The following RNF24 variants were observed in gnomAD, a reference collection of about 807,000 sequenced individuals.
RNF24 encodes ring finger protein 24.
Under a neutral mutation model 20.0 loss-of-function variants are expected in RNF24, and 14 were observed. That is an observed-to-expected ratio of 0.70 (90% confidence interval 0.46 to 1.10). RNF24 has a LOEUF of 1.10. RNF24 is among the 50% of genes least tolerant of loss of function. The pLI is 0.00. For synonymous variants in RNF24, 45 were observed against 61.1 expected, an observed-to-expected ratio of 0.74 and a Z score of 1.23; for missense variants, 124 against 177.6, an observed-to-expected ratio of 0.70 and a Z score of 1.71.
chr20:4,013,521 C>T (rs756141419), intron 1 of RNF24, among the ~76,000 whole-genome samples: 3 of 152,126 alleles, frequency 2.0e-5, no homozygotes, highest in Non-Finnish European at 4.4e-5. Flanking sequence ...GCTCTTGTTG[C>T]CCAGGCTGGA....
rs187461190 is a variant in RNF24, at chr20:3,982,033, A to T, written c.-7-18009T>A. Among the ~76,000 whole-genome samples the T allele has an allele frequency of 1.6e-3, 240 of 150,778 alleles. 1 individual carries two copies. The highest frequency in any genetic ancestry group is 4.8e-3 in the South Asian group (23 of 4,754). ...CTTAGTAGGGTGAGGTGGGAGGATC[A>T]CCTGAGCCCAGGAGCAGTGAGCGCT... On this transcript the variant is annotated intron_variant, in intron 1 of 5. Transcript: ENST00000358395.
chr20:3,985,639 T>A (rs970399160), intron 1 of RNF24, among the ~76,000 whole-genome samples: 20 of 152,174 alleles, frequency 1.3e-4, no homozygotes, highest in Admixed American at 6.6e-4. Flanking sequence ...GAATATTTTT[T>A]AAAAATTCAG....
intron 1 of RNF24, among the ~76,000 whole-genome samples, chr20:3,993,231 A>T (rs1285814123): frequency 6.6e-6 from 1 of 152,176 alleles, no homozygotes; most frequent in Non-Finnish European, 1.5e-5. Context: ...GACTCAGAAA[A>T]GTCAGGCTAG....
intron 1 of RNF24, among the ~76,000 whole-genome samples, chr20:4,005,270 G>A (rs1028366): frequency 0.88 from 133,557 of 152,222 alleles, 58,976 homozygotes; most frequent in Non-Finnish European, 0.93. Context: ...GCTTTTTAGT[G>A]TAGGTTAACC....
chr20:3,997,037 G>A (rs1163251327), intron 1 of RNF24, among the ~76,000 whole-genome samples: 2 of 151,646 alleles, frequency 1.3e-5, no homozygotes, highest in African/African-American at 2.4e-5. Flanking sequence ...TGGCTAACAC[G>A]GTGAAACCCC....
At chr20:3,964,312 T>G (rs943250086) in intron 1 of RNF24, among the ~76,000 whole-genome samples, 1 of 152,188 alleles carries the variant, frequency 6.6e-6, no homozygotes, top group African/African-American at 2.4e-5. Context: ...TTAATAAACA[T>G]GAAAATGTTC....
intron 1 of RNF24, among the ~76,000 whole-genome samples, chr20:3,970,676 AAC>A (rs1041728209): frequency 3.8e-4 from 58 of 152,294 alleles, no homozygotes; most frequent in African/African-American, 1.3e-3. Flanking sequence ...AGAACTGAAA[AAC>A]ACAATAATTG....
chr20:3,989,650 T>C (rs1211002186), intron 1 of RNF24, among the ~76,000 whole-genome samples: 1 of 152,212 alleles, frequency 6.6e-6, no homozygotes, highest in Non-Finnish European at 1.5e-5. Context: ...TGCTGTTTTG[T>C]TGTGGGTAGA....
intron 1 of RNF24, among the ~76,000 whole-genome samples, chr20:4,005,895 A>G (rs1981826319): frequency 6.6e-6 from 1 of 152,214 alleles, no homozygotes; most frequent in Non-Finnish European, 1.5e-5. Flanking sequence ...AATGAACTGA[A>G]TGCTCATTAT....
chr20:3,997,980 AGGCT>A (rs1345638176), intron 1 of RNF24, among the ~76,000 whole-genome samples: 1 of 152,238 alleles, frequency 6.6e-6, no homozygotes, highest in Non-Finnish European at 1.5e-5. Context: ...CAAAGCTAAA[AGGCT>A]GGCTTTTATT....
chr20:3,956,404 T>C (rs1274393068), intron 2 of RNF24, among the ~76,000 whole-genome samples: 13 of 151,808 alleles, frequency 8.6e-5, no homozygotes, highest in Admixed American at 8.5e-4. Flanking sequence ...TTAATGTTTA[T>C]AGGATTTGTA....
intron 1 of RNF24, among the ~76,000 whole-genome samples, chr20:4,002,592 A>G (rs1268331928): frequency 2.0e-5 from 3 of 152,218 alleles, no homozygotes; most frequent in Non-Finnish European, 2.9e-5. Flanking sequence ...TCTATTAAGT[A>G]ATATTAATCT....
intron 1 of RNF24, among the ~76,000 whole-genome samples, chr20:3,982,150 T>A (rs1332189401): frequency 6.8e-6 from 1 of 147,368 alleles, no homozygotes; most frequent in Non-Finnish European, 1.5e-5. Context: ...AATAAATAAA[T>A]AAATGCTATT....
intron 2 of RNF24, among the ~76,000 whole-genome samples, chr20:3,952,556 A>T (rs1033135296): frequency 2.0e-5 from 3 of 149,276 alleles, no homozygotes; most frequent in Admixed American, 1.3e-4. Flanking sequence ...TTTTCTAAAT[A>T]CACTTTTCTT....
chr20:3,987,813 T>C (rs1600697140), intron 1 of RNF24, among the ~76,000 whole-genome samples: 1 of 152,290 alleles, frequency 6.6e-6, no homozygotes, highest in East Asian at 1.9e-4. Context: ...TTTAAAGAGT[T>C]TTCACTGCAG....
chr20:4,002,133 C>T (rs1422805173), intron 1 of RNF24, among the ~76,000 whole-genome samples: 2 of 152,100 alleles, frequency 1.3e-5, no homozygotes, highest in Admixed American at 6.5e-5. Context: ...TGCCTGTAAT[C>T]CCAGCACTTT....
chr20:3,929,265 G>T lies in RNF24; in HGVS notation c.*4798C>A, dbSNP rs1280207632. On this transcript the variant is annotated 3_prime_UTR_variant, in exon 6 of 6. Coordinates refer to ENST00000358395, the MANE Select transcript of RNF24 (RefSeq NM_001134337.3). ...AAATAATTACGAAAATTAGCCAGGT[G>T]TGCTGGTGTGCACCTGTAGACGCAG... The T allele has an allele frequency of 1.3e-5, 2 of 152,328 alleles. No homozygotes were observed. The highest frequency in any genetic ancestry group is 6.5e-5 in the Admixed American group (1 of 15,284). The allele number at this position is 152,328 out of a possible 1,614,324, so 9.4% of individuals were successfully genotyped here.
intron 1 of RNF24, among the ~76,000 whole-genome samples, chr20:3,973,333 T>C (rs548152728): frequency 1.9e-4 from 29 of 151,514 alleles, no homozygotes; most frequent in African/African-American, 6.5e-4. Flanking sequence ...AAATCAATAA[T>C]CTAAACTCCT....
rs1002042576 is a variant in RNF24 at position 3,930,594 on chromosome 20, T to G, written c.*3469A>C. ...AAGGCTAGTGAGTGACAAGAGGTGATTCCATCACTCTCTGCCTGGAGCTCT... is the reference window on the plus strand; with the variant it reads ...AAGGCTAGTGAGTGACAAGAGGTGAGTCCATCACTCTCTGCCTGGAGCTCT... On this transcript the variant is annotated 3_prime_UTR_variant, in exon 6 of 6. Transcript: ENST00000358395. The G allele has an allele frequency of 7.9e-5, 12 of 152,164 alleles. No individual in the cohort carries two copies. Among genetic ancestry groups the G allele is most frequent in the African/African-American group, 2.7e-4 (11 of 41,442 alleles). The allele number at this position is 152,164 out of a possible 1,614,324, so 9.4% of individuals were successfully genotyped here.
Sources: allele counts gnomAD v4.1 joint callset (sites outside exome capture counted in the v4.1 genomes callset), GRCh38; gene constraint gnomAD v4.1.1; transcripts MANE v1.5; gene names NCBI Gene and HGNC (gene_info 2026-07-23, HGNC 2026-07-21).